Variants in TENM2 observed in about 807,000 individuals in gnomAD.
The protein encoded by TENM2 is teneurin transmembrane protein 2.
In TENM2, 52 loss-of-function variants were observed where a neutral mutation model predicts 245.2. That is an observed-to-expected ratio of 0.21 (90% confidence interval 0.17 to 0.27). TENM2 has a LOEUF of 0.27. TENM2 is among the 10% of genes least tolerant of loss of function. TENM2 has a pLI of 1.00. For synonymous variants in TENM2, 1,363 were observed against 1,438.9 expected (o/e 0.95, Z 1.19); for missense variants, 3,046 against 3,666.8 (o/e 0.83, Z 4.37).
chr5:167,789,151 G>T (rs751044646), intron 2 of TENM2, among the ~76,000 whole-genome samples: 9 of 152,208 alleles, frequency 5.9e-5, no homozygotes, highest in Admixed American at 2.6e-4. Flanking sequence ...AAAACTAACA[G>T]ATAATCAGGC....
At chr5:168,128,571 G>A (rs775827810) in intron 12 of TENM2, among the ~76,000 whole-genome samples, 8 of 152,230 alleles carry the variant, frequency 5.3e-5, no homozygotes, top group Non-Finnish European at 1.2e-4. Context: ...GGCAGGGTTA[G>A]TGTTTCCACA....
At chr5:167,204,692 G>GA in the TENM2 span, among the ~76,000 whole-genome samples, 1 of 147,152 alleles carries the variant, frequency 6.8e-6, no homozygotes, top group African/African-American at 2.5e-5. Context: ...GAAGGGAACA[G>GA]TCACTCAGGG....
At chr5:168,071,545 A>C (rs766986436) in intron 7 of TENM2, among the ~76,000 whole-genome samples, 1 of 152,208 alleles carries the variant, frequency 6.6e-6, no homozygotes, top group African/African-American at 2.4e-5. Flanking sequence ...TAATAGATGG[A>C]GGACATCTTT....
At chr5:168,041,953 T>A (rs953289786) in intron 5 of TENM2, among the ~76,000 whole-genome samples, 2 of 152,246 alleles carry the variant, frequency 1.3e-5, no homozygotes, top group African/African-American at 4.8e-5. Context: ...AAGTTCAGGG[T>A]AAGCAGTTGT....
chr5:167,652,237 A>C (rs548385947), intron 2 of TENM2, among the ~76,000 whole-genome samples: 2 of 152,146 alleles, frequency 1.3e-5, no homozygotes, highest in African/African-American at 2.4e-5. Flanking sequence ...ATGGCATCCA[A>C]AGTCATCTTT....
At position 168,260,431 on chromosome 5, in the gene TENM2, C is replaced by G. The variant is rs1581799842; in HGVS notation, c.7563+18C>G. The G allele has an allele frequency of 3.7e-6, 6 of 1,612,124 alleles. No homozygotes were observed. The highest frequency in any genetic ancestry group is 5.1e-6 in the Non-Finnish European group (6 of 1,178,952). The stretch of plus-strand genomic sequence containing the variant: ...ATGGACAGGTAAGCAGAGGTTCCTG[C>G]CAAGAATCCAAATGATTGTCATCAT... On this transcript the variant is annotated intron_variant, in intron 28 of 28. Transcript: ENST00000518659.
chr5:167,951,612 G>T (rs1197071747), intron 3 of TENM2, among the ~76,000 whole-genome samples: 5 of 152,030 alleles, frequency 3.3e-5, no homozygotes, highest in East Asian at 1.9e-4. Context: ...AGAGGATTTT[G>T]TTATTTAAAA....
chr5:167,143,891 G>A, the TENM2 span, among the ~76,000 whole-genome samples: 6 of 152,022 alleles, frequency 3.9e-5, no homozygotes, highest in Admixed American at 2.0e-4. Flanking sequence ...CAGTTGACTG[G>A]CACTTTTACC....
At chr5:167,928,114 CCTT>C (rs1424029501) in intron 3 of TENM2, among the ~76,000 whole-genome samples, 18 of 152,216 alleles carry the variant, frequency 1.2e-4, no homozygotes, top group Admixed American at 1.1e-3. Flanking sequence ...TCCTCTCCCT[CCTT>C]CTTCTCTGGG....
chr5:168,023,370 A>G (rs1280158468), intron 5 of TENM2, among the ~76,000 whole-genome samples: 2 of 152,124 alleles, frequency 1.3e-5, no homozygotes, highest in African/African-American at 4.8e-5. Flanking sequence ...GCAAAGCCCG[A>G]GTGTGATGGG....
chr5:167,476,888 T>C (rs1456984859), intron 2 of TENM2, among the ~76,000 whole-genome samples: 1 of 152,210 alleles, frequency 6.6e-6, no homozygotes, highest in Non-Finnish European at 1.5e-5. Flanking sequence ...AGTGAGCCAC[T>C]GTGCCCAGCC....
At chr5:167,678,330 A>G (rs1162875216) in intron 2 of TENM2, among the ~76,000 whole-genome samples, 1 of 152,144 alleles carries the variant, frequency 6.6e-6, no homozygotes, top group Non-Finnish European at 1.5e-5. Flanking sequence ...CACGTATAAC[A>G]GATTAGTTCT....
chr5:167,612,727 C>T (rs773990547), intron 2 of TENM2, among the ~76,000 whole-genome samples: 2 of 152,012 alleles, frequency 1.3e-5, no homozygotes, highest in Non-Finnish European at 2.9e-5. Context: ...AAGGACCTGA[C>T]GTACGGGATG....
Position 167,855,246 on chromosome 5 carries a change from C to T in TENM2, c.503-20740C>T, listed in dbSNP as rs1486528039. Reference sequence around the variant, plus strand: ...TAGACATCAGCATGGCTCCCTCTCTCACTTCCACCAGGTCCCGTTCAAATG... The same window carrying T: ...TAGACATCAGCATGGCTCCCTCTCTTACTTCCACCAGGTCCCGTTCAAATG... On this transcript the variant is annotated intron_variant, in intron 2 of 28. Transcript: ENST00000518659. 5.3e-5 allele frequency among the ~76,000 whole-genome samples: 8 copies of T among 152,254 alleles called. No homozygotes were observed. The East Asian group carries it at 1.2e-3, about 22-fold the overall frequency.
intron 2 of TENM2, among the ~76,000 whole-genome samples, chr5:167,401,612 T>C (rs2127386734): frequency 6.6e-6 from 1 of 152,252 alleles, no homozygotes; most frequent in African/African-American, 2.4e-5. Flanking sequence ...ACTGCCCTCT[T>C]TGAGGGAGTT....
At chr5:168,212,237 A>G (rs1762849137) in intron 20 of TENM2, among the ~76,000 whole-genome samples, 1 of 152,192 alleles carries the variant, frequency 6.6e-6, no homozygotes, top group African/African-American at 2.4e-5. Flanking sequence ...TGAATCCAAC[A>G]GTCAGATGCA....
At chr5:167,201,246 TC>T in the TENM2 span, among the ~76,000 whole-genome samples, 4 of 152,174 alleles carry the variant, frequency 2.6e-5, no homozygotes, top group Non-Finnish European at 5.9e-5. Flanking sequence ...TGAATTTTGT[TC>T]CCAATAACAT....
chr5:167,856,381 T>C lies in TENM2; in HGVS notation c.503-19605T>C, dbSNP rs1771100928. Among the ~76,000 whole-genome samples, 4 of 152,212 alleles carry C rather than the reference T, an allele frequency of 2.6e-5. No individual in the cohort carries two copies. The South Asian group carries it at 8.3e-4, about 31-fold the overall frequency. On this transcript the variant is annotated intron_variant, in intron 2 of 28. Transcript: ENST00000518659. Reference sequence around the variant, plus strand: ...TGGGTTATTATGTTGGGAATGGTTATAGACTCATTTAGCTCTGGAAACCCA... The same window carrying C: ...TGGGTTATTATGTTGGGAATGGTTACAGACTCATTTAGCTCTGGAAACCCA...
intron 2 of TENM2, among the ~76,000 whole-genome samples, chr5:167,508,859 C>T (rs953317925): frequency 1.3e-5 from 2 of 152,106 alleles, no homozygotes; most frequent in Non-Finnish European, 2.9e-5. Context: ...CTCATTCTGT[C>T]GCTCAGCTGG....
Sources: allele counts gnomAD v4.1 joint callset (sites outside exome capture counted in the v4.1 genomes callset), GRCh38; gene constraint gnomAD v4.1.1; transcripts MANE v1.5; gene names NCBI Gene and HGNC (gene_info 2026-07-23, HGNC 2026-07-21).